MCHR2: variants seen among roughly 807,000 people sequenced by gnomAD.
The protein encoded by MCHR2 is melanin-concentrating hormone receptor 2.
A neutral mutation model predicts 24.8 loss-of-function variants in MCHR2; 15 were observed. The ratio of observed to expected loss-of-function variants is 0.60; its 90% CI spans 0.40 to 0.93. The LOEUF is 0.93. Ranked by LOEUF, MCHR2 falls within the 40% of genes least tolerant of loss-of-function variation. MCHR2 has a pLI of 0.00. For synonymous variants in MCHR2, 151 were observed against 147.6 expected (o/e 1.02, Z -0.17); for missense variants, 386 against 408.7 (o/e 0.94, Z 0.48).
chr6:99,973,160 G>C (rs1281874965), intron 1 of MCHR2, among the ~76,000 whole-genome samples: 1 of 151,556 alleles, frequency 6.6e-6, no homozygotes, highest in Non-Finnish European at 1.5e-5. Flanking sequence ...GTTGACAGTG[G>C]GGTGTTAAAG....
chr6:99,988,435 G>A (rs1454735747), intron 1 of MCHR2, among the ~76,000 whole-genome samples: 2 of 152,194 alleles, frequency 1.3e-5, no homozygotes, highest in African/African-American at 4.8e-5. Context: ...TAAAGAAAGT[G>A]CAGTCCTTTC....
intron 3 of MCHR2, among the ~76,000 whole-genome samples, chr6:99,946,587 A>G (rs1255614747): frequency 6.6e-6 from 1 of 152,116 alleles, no homozygotes; most frequent in Non-Finnish European, 1.5e-5. Context: ...TGAGCACCTG[A>G]GTGCCAGGCA....
intron 2 of MCHR2, among the ~76,000 whole-genome samples, chr6:99,950,257 G>A (rs1774942488): frequency 3.3e-5 from 5 of 152,172 alleles, no homozygotes; most frequent in South Asian, 4.1e-4. Context: ...ATTTATTATT[G>A]TCTTCTTTAC....
At chr6:99,988,713 C>A (rs1257420569) in intron 1 of MCHR2, among the ~76,000 whole-genome samples, 1 of 152,198 alleles carries the variant, frequency 6.6e-6, no homozygotes, top group African/African-American at 2.4e-5. Context: ...GAAAGACCTT[C>A]CTTTTACCCT....
intron 1 of MCHR2, among the ~76,000 whole-genome samples, chr6:99,991,417 C>T (rs1422966837): frequency 2.6e-5 from 4 of 152,196 alleles, no homozygotes; most frequent in Admixed American, 2.6e-4. Flanking sequence ...AGCAGTGTGA[C>T]TTTAGGTAGT....
chr6:99,973,282 T>A (rs1277956912), intron 1 of MCHR2, among the ~76,000 whole-genome samples: 5 of 151,916 alleles, frequency 3.3e-5, no homozygotes, highest in Non-Finnish European at 5.9e-5. Flanking sequence ...GATAGTTAGC[T>A]CTTCTTGTTG....
intron 1 of MCHR2, among the ~76,000 whole-genome samples, chr6:99,960,043 G>A (rs951642140): frequency 2.8e-4 from 42 of 151,894 alleles, no homozygotes; most frequent in African/African-American, 1.0e-3. Flanking sequence ...ACCTCAAATA[G>A]GCTACATCAA....
At chr6:99,933,902 T>C (rs1215379279) in intron 5 of MCHR2, among the ~76,000 whole-genome samples, 1 of 152,062 alleles carries the variant, frequency 6.6e-6, no homozygotes, top group Non-Finnish European at 1.5e-5. Context: ...TTCTCAAGTT[T>C]ATTGACTTTA....
At chr6:99,981,926 C>T (rs11755715) in intron 1 of MCHR2, among the ~76,000 whole-genome samples, 5,621 of 152,204 alleles carry the variant, frequency 0.037, 136 homozygotes, top group Non-Finnish European at 0.05. Flanking sequence ...AAACTGCTAG[C>T]GACTGTAAAC....
chr6:99,974,514 T>G (rs1271031084), intron 1 of MCHR2, among the ~76,000 whole-genome samples: 1 of 152,224 alleles, frequency 6.6e-6, no homozygotes, highest in Non-Finnish European at 1.5e-5. Context: ...AATTTCCTCC[T>G]GTAGCTTGGA....
At chr6:99,953,015 A>G (rs558375955) in intron 2 of MCHR2, among the ~76,000 whole-genome samples, 47 of 152,276 alleles carry the variant, frequency 3.1e-4, no homozygotes, top group Non-Finnish European at 6.0e-4. Flanking sequence ...CCTCAGTTAA[A>G]TGACGGTTGA....
intron 4 of MCHR2, among the ~76,000 whole-genome samples, chr6:99,934,912 G>A (rs1774625976): frequency 6.6e-6 from 1 of 151,956 alleles, no homozygotes; most frequent in African/African-American, 2.4e-5. Context: ...TGCCATTAGT[G>A]CCCTTACATT....
intron 1 of MCHR2, among the ~76,000 whole-genome samples, chr6:99,989,760 A>G (rs999726536): frequency 1.3e-5 from 2 of 152,126 alleles, no homozygotes; most frequent in East Asian, 3.9e-4. Flanking sequence ...TGTAAACAAC[A>G]AACTGTACTC....
intron 2 of MCHR2, among the ~76,000 whole-genome samples, chr6:99,951,168 T>A (rs1310565690): frequency 6.6e-6 from 1 of 152,046 alleles, no homozygotes; most frequent in African/African-American, 2.4e-5. Flanking sequence ...TGGGATAGGG[T>A]GTAGAAGTGG....
At chr6:99,973,603 A>T (rs1329217329) in intron 1 of MCHR2, among the ~76,000 whole-genome samples, 1 of 152,162 alleles carries the variant, frequency 6.6e-6, no homozygotes, top group African/African-American at 2.4e-5. Context: ...TGATCCTGTC[A>T]TTATGTTAGC....
In MCHR2 at chr6:99,943,083, G is replaced by C; in HGVS notation, c.453C>G (p.Ile151Met). The change falls in exon 4 of 6, where the codon ATC (isoleucine) becomes ATG (methionine). Residue 151 changes from isoleucine (I) to methionine (M), a missense_variant. Coordinates refer to ENST00000281806, the MANE Select transcript of MCHR2 (RefSeq NM_001040179.2). ...CTGCCCAAAGGCCCAAATTGATCCG[G>C]ATGGTCTTGTACCTTGTTCTCCAAC... Reference protein sequence around the residue: ...LTRWRTRYKTIRINLGLWAAS... With the variant: ...LTRWRTRYKTMRINLGLWAAS... The C allele has an allele frequency of 6.2e-7, 1 of 1,613,242 alleles. No individual in the cohort carries two copies.
intron 5 of MCHR2, among the ~76,000 whole-genome samples, chr6:99,924,522 T>C (rs1200199815): frequency 6.6e-6 from 1 of 152,124 alleles, no homozygotes. Context: ...TTTTCATCTT[T>C]TTGATGTAGG....
At chr6:99,969,089 C>T (rs1036289640) in intron 1 of MCHR2, among the ~76,000 whole-genome samples, 2 of 152,140 alleles carry the variant, frequency 1.3e-5, no homozygotes, top group Non-Finnish European at 2.9e-5. Context: ...TATCTCTTTA[C>T]TGTCTCCTTT....
intron 1 of MCHR2, among the ~76,000 whole-genome samples, chr6:99,983,531 G>A (rs17060019): frequency 0.018 from 2,807 of 152,198 alleles, 78 homozygotes; most frequent in East Asian, 0.12. Flanking sequence ...ATTTGAAATC[G>A]TCACACTCAA....
Sources: allele counts gnomAD v4.1 joint callset (sites outside exome capture counted in the v4.1 genomes callset), GRCh38; gene constraint gnomAD v4.1.1; transcripts MANE v1.5; gene names NCBI Gene and HGNC (gene_info 2026-07-23, HGNC 2026-07-21).